GLI3: variants seen among roughly 807,000 people sequenced by gnomAD.
GLI3 encodes the protein GLI family zinc finger 3, also known as transcription activator GLI3.
Under a neutral mutation model 100.8 loss-of-function variants are expected in GLI3, and 20 were observed. That is an observed-to-expected ratio of 0.20 (90% CI 0.14 to 0.29). GLI3 has a LOEUF of 0.29. Ranked by LOEUF, GLI3 falls within the 10% of genes least tolerant of loss-of-function variation. The pLI, the probability that GLI3 is intolerant of heterozygous loss-of-function variation, is 1.00. For synonymous variants in GLI3, 938 were observed against 860.5 expected, an observed-to-expected ratio of 1.09 and a Z score of -1.58; for missense variants, 2,040 against 2,128.5, an observed-to-expected ratio of 0.96 and a Z score of 0.82.
At chr7:42,227,452 C>T (rs1788604546) in intron 1 of GLI3, among the ~76,000 whole-genome samples, 1 of 152,108 alleles carries the variant, frequency 6.6e-6, no homozygotes, top group Admixed American at 6.5e-5. Context: ...CTTTTTCCCA[C>T]TCAACTATCC....
chr7:42,138,168 GT>G (rs1428355471), intron 3 of GLI3, among the ~76,000 whole-genome samples: 3 of 152,122 alleles, frequency 2.0e-5, no homozygotes, highest in African/African-American at 7.2e-5. Flanking sequence ...ACTGCACAAA[GT>G]TTTTTAATGA....
intron 7 of GLI3, among the ~76,000 whole-genome samples, chr7:42,028,070 T>A (rs1185958173): frequency 1.3e-5 from 2 of 152,228 alleles, no homozygotes; most frequent in Non-Finnish European, 2.9e-5. Context: ...GTTTGTCCAA[T>A]TTATTTTTCA....
At chr7:42,129,288 T>C (rs768320346) in intron 3 of GLI3, among the ~76,000 whole-genome samples, 4 of 152,196 alleles carry the variant, frequency 2.6e-5, no homozygotes, top group Non-Finnish European at 5.9e-5. Context: ...ATCACATTGT[T>C]AGGAGTGGCA....
At chr7:42,225,620 CAA>C (rs1170789990) in intron 1 of GLI3, among the ~76,000 whole-genome samples, 2 of 152,226 alleles carry the variant, frequency 1.3e-5, no homozygotes, top group African/African-American at 4.8e-5. Context: ...CTCGGCCTCC[CAA>C]AGTGCTGGGA....
intron 10 of GLI3, among the ~76,000 whole-genome samples, chr7:42,009,689 C>T (rs533892260): frequency 1.3e-5 from 2 of 152,258 alleles, no homozygotes; most frequent in South Asian, 4.1e-4. Context: ...GAGAACGGGT[C>T]TCATCGGCGT....
chr7:41,988,180 G>C (rs1787881702), intron 10 of GLI3, among the ~76,000 whole-genome samples: 1 of 152,054 alleles, frequency 6.6e-6, no homozygotes, highest in South Asian at 2.1e-4. Flanking sequence ...ATGGGGCCTT[G>C]GCCAGGCACG....
intron 10 of GLI3, among the ~76,000 whole-genome samples, chr7:42,021,422 T>C (rs1788939145): frequency 6.6e-6 from 1 of 152,236 alleles, no homozygotes; most frequent in Non-Finnish European, 1.5e-5. Flanking sequence ...TTGGTAGTTT[T>C]AAGCAGCCTT....
upstream of GLI3, chr7:42,238,016 CCTCCTCCTT>C (rs1166509108): frequency 0.01 from 1,539 of 148,212 alleles, 21 homozygotes; most frequent in African/African-American, 0.045. Context: ...TCCTCCTCCT[CCTCCTCCTT>C]CTCCTCCTCC....
In GLI3 at chr7:41,990,307, T is replaced by C. The variant is rs185890057; in HGVS notation, c.1498-11559A>G. On this transcript the variant is annotated intron_variant, in intron 10 of 14. Transcript: ENST00000395925. ...AGCCTTTATTTCCTAATTTTTATGA[T>C]TTCAGCAATCCACATGAAGCCTAAG... 2.3e-3 allele frequency among the ~76,000 whole-genome samples: 343 copies of C among 152,298 alleles called. 1 individual carries two copies. Among genetic ancestry groups the C allele is most frequent in the Middle Eastern group, 0.014 (4 of 294 alleles).
In GLI3 at chr7:41,965,331, G is replaced by A; in HGVS notation, c.3742C>T (p.Pro1248Ser). ...GTSGNAFHEQ[P>S]CKAPQYGNCL... is the part of the protein sequence containing the mutation. ...TTCCCATACTGCGGGGCCTTACAGG[G>A]CTGTTCATGGAAGGCGTTTCCACTG... is the stretch of plus-strand genomic sequence containing the variant. Residue 1248 changes from proline to serine, a missense_variant, in exon 15 of 15, where the codon CCC (proline) becomes TCC (serine). Around this residue, in one of 5 missense-constraint regions of GLI3, gnomAD observed 1,041 missense variants for 924.0 expected, o/e 1.13. Coordinates refer to ENST00000395925, the MANE Select transcript of GLI3 (RefSeq NM_000168.6). The A allele has an allele frequency of 6.2e-7, 1 of 1,613,824 alleles. No individual in the cohort carries two copies. Among genetic ancestry groups the A allele is most frequent in the South Asian group, 1.1e-5 (1 of 91,056 alleles).
intron 3 of GLI3, among the ~76,000 whole-genome samples, chr7:42,099,238 T>A (rs1393651541): frequency 6.6e-6 from 1 of 152,194 alleles, no homozygotes; most frequent in Non-Finnish European, 1.5e-5. Flanking sequence ...AACTTCGGGT[T>A]AGGAAATACA....
At chr7:42,040,282 C>T in intron 6 of GLI3, 43 bp from the exon 7 acceptor site, 1 of 1,374,766 alleles carries the variant, frequency 7.3e-7, no homozygotes, top group Non-Finnish European at 1.0e-6. Context: ...TGCAGTTGGA[C>T]TCTATACCAG....
intron 1 of GLI3, among the ~76,000 whole-genome samples, chr7:42,256,395 C>T (rs1466213113): frequency 1.3e-5 from 2 of 151,846 alleles, no homozygotes; most frequent in Admixed American, 6.6e-5. Context: ...TCACTTTTTC[C>T]AGAAGTTCTA....
intron 3 of GLI3, among the ~76,000 whole-genome samples, chr7:42,116,411 G>A (rs1018682881): frequency 2.0e-5 from 3 of 151,410 alleles, no homozygotes; most frequent in Non-Finnish European, 4.4e-5. Flanking sequence ...CTTTGAAACT[G>A]GGTGAATAAA....
intron 11 of GLI3, 173 bp from the exon 12 acceptor site, chr7:41,977,895 G>A (rs969324771): frequency 9.0e-6 from 6 of 665,302 alleles, no homozygotes; most frequent in South Asian, 8.5e-5. Flanking sequence ...ATGTAGCTTG[G>A]TGTAGTTCCA....
intron 5 of GLI3, among the ~76,000 whole-genome samples, chr7:42,045,938 C>T (rs1402455608): frequency 6.6e-6 from 1 of 152,150 alleles, no homozygotes; most frequent in Admixed American, 6.6e-5. Flanking sequence ...ACTTAAAATA[C>T]TTTTCTAAGC....
chr7:41,968,717 A>AAAGAAAGAAAGAAAGAAAG (rs1787262841), intron 13 of GLI3, among the ~76,000 whole-genome samples: 29 of 103,726 alleles, frequency 2.8e-4, no homozygotes, highest in African/African-American at 1.3e-3. Context: ...AAGAAAGAAG[A>AAAGAAAGAAAGAAAGAAAG]AAGAAAGAAA....
intron 1 of GLI3, among the ~76,000 whole-genome samples, chr7:42,256,736 T>C (rs1333120653): frequency 3.3e-5 from 5 of 152,178 alleles, no homozygotes; most frequent in South Asian, 2.1e-4. Context: ...ATTTGCTTTT[T>C]CCCCCAAAAT....
intron 10 of GLI3, among the ~76,000 whole-genome samples, chr7:41,990,865 A>AGTGT (rs57245025): frequency 0.044 from 6,272 of 142,788 alleles, 134 homozygotes; most frequent in Non-Finnish European, 0.049. Context: ...GATTAAGGCA[A>AGTGT]GTGTGTGTGT....
Sources: gnomAD v4.1 joint callset for allele counts (sites outside exome capture counted in the v4.1 genomes callset) on GRCh38, gnomAD v4.1.1 for gene constraint, gnomAD v4.1.1 regional missense constraint, MANE v1.5 for transcripts, NCBI Gene and HGNC (gene_info 2026-07-23, HGNC 2026-07-21) for gene names.